The following CDK14 variants were observed in gnomAD, a reference collection of about 807,000 sequenced individuals.
CDK14 encodes cyclin dependent kinase 14, also known as cyclin-dependent kinase 14.
A neutral mutation model predicts 60.7 loss-of-function variants in CDK14; 34 were observed. The observed-to-expected ratio is 0.56, with a 90% confidence interval of 0.43 to 0.75. The LOEUF (loss-of-function observed/expected upper bound fraction) is 0.75, where lower values mean the gene tolerates loss of function less well. Ranked by LOEUF, CDK14 falls within the 30% of genes least tolerant of loss-of-function variation. CDK14 has a pLI of 0.00. For missense variants in CDK14, 482 were observed against 564.1 expected (o/e 0.85, Z 1.47); for synonymous variants, 197 against 203.7 (o/e 0.97, Z 0.28).
At chr7:91,077,146 G>T (rs1213030968) in intron 11 of CDK14, among the ~76,000 whole-genome samples, 1 of 152,112 alleles carries the variant, frequency 6.6e-6, no homozygotes, top group African/African-American at 2.4e-5. Flanking sequence ...CCATTACTGG[G>T]TATATACCCA....
chr7:91,161,060 G>A (rs113577688), intron 14 of CDK14, among the ~76,000 whole-genome samples: 132 of 152,324 alleles, frequency 8.7e-4, no homozygotes, highest in Admixed American at 2.5e-3. Context: ...TTGGAAAGGC[G>A]TATCAGCAGA....
intron 3 of CDK14, among the ~76,000 whole-genome samples, chr7:90,730,921 CTT>C (rs199640530): frequency 0.33 from 50,045 of 151,596 alleles, 8,555 homozygotes; most frequent in Middle Eastern, 0.4. Context: ...GTCATGAAGT[CTT>C]TGCCCATGCC....
chr7:91,075,192 A>T (rs1798264351), intron 11 of CDK14, among the ~76,000 whole-genome samples: 1 of 152,216 alleles, frequency 6.6e-6, no homozygotes, highest in Non-Finnish European at 1.5e-5. Context: ...CACACAAAAA[A>T]GCAAACTTCA....
chr7:91,209,341 G>A lies in CDK14; in HGVS notation c.*2205G>A, dbSNP rs1402044387. The A allele has an allele frequency of 1.3e-5, 2 of 152,156 alleles. No homozygotes were observed. Among genetic ancestry groups the A allele is most frequent in the Non-Finnish European group, 2.9e-5 (2 of 68,040 alleles). The allele number at this position is 152,156 out of a possible 1,614,324, so 9.4% of individuals were successfully genotyped here. ...AGAGACATGCCTCTCAGAAGGTCAG[G>A]AGGTTTTGAGTACCTATCCTTGCCA... On this transcript the variant is annotated 3_prime_UTR_variant, in exon 15 of 15. Transcript: ENST00000380050.
At chr7:90,791,141 A>G (rs998458955) in intron 5 of CDK14, among the ~76,000 whole-genome samples, 1 of 152,034 alleles carries the variant, frequency 6.6e-6, no homozygotes, top group African/African-American at 2.4e-5. Context: ...TATTAGGGTC[A>G]TTTATGTTGT....
chr7:90,895,867 T>C (rs1305520958), intron 6 of CDK14, among the ~76,000 whole-genome samples: 1 of 151,190 alleles, frequency 6.6e-6, no homozygotes, highest in East Asian at 2.0e-4. Context: ...TAAGCCACCA[T>C]GCCCACCCTT....
chr7:90,768,714 T>G (rs750331356), intron 4 of CDK14, among the ~76,000 whole-genome samples: 1 of 152,250 alleles, frequency 6.6e-6, no homozygotes, highest in African/African-American at 2.4e-5. Flanking sequence ...GCAATTGTGT[T>G]CTCTCACTTA....
At chr7:90,673,059 AAAT>A (rs1801129483) in intron 2 of CDK14, among the ~76,000 whole-genome samples, 1 of 152,102 alleles carries the variant, frequency 6.6e-6, no homozygotes, top group African/African-American at 2.4e-5. Flanking sequence ...AGTGGAGAAA[AAAT>A]GATTTCACTT....
chr7:90,830,195 C>T (rs551294712), intron 5 of CDK14, among the ~76,000 whole-genome samples: 1 of 152,356 alleles, frequency 6.6e-6, no homozygotes, highest in East Asian at 1.9e-4. Flanking sequence ...CAGCAGACTT[C>T]TGCCTGGACA....
chr7:90,764,581 A>G (rs954550086), intron 4 of CDK14, among the ~76,000 whole-genome samples: 6 of 152,180 alleles, frequency 3.9e-5, no homozygotes, highest in African/African-American at 1.4e-4. Context: ...ATTCAGTGCA[A>G]GATTGTATGG....
chr7:90,726,417 T>G (rs1802634689), intron 2 of CDK14, 150 bp from the exon 3 acceptor site: 1 of 1,222,478 alleles, frequency 8.2e-7, no homozygotes, highest in African/African-American at 1.5e-5. Flanking sequence ...TTTTGTACTG[T>G]AATTTATGCT....
intron 14 of CDK14, among the ~76,000 whole-genome samples, chr7:91,157,578 G>C (rs1049899415): frequency 1.8e-4 from 27 of 152,276 alleles, no homozygotes; most frequent in African/African-American, 6.0e-4. Flanking sequence ...GGAGTTAACT[G>C]TCCTGGTTTG....
chr7:91,132,706 C>G (rs1800154064), intron 14 of CDK14, among the ~76,000 whole-genome samples: 1 of 152,106 alleles, frequency 6.6e-6, no homozygotes, highest in Non-Finnish European at 1.5e-5. Context: ...TTTACCAACA[C>G]TTACTCTTCT....
intron 12 of CDK14, among the ~76,000 whole-genome samples, chr7:91,090,880 G>A (rs1477240498): frequency 1.3e-5 from 2 of 151,878 alleles, no homozygotes; most frequent in African/African-American, 2.4e-5. Flanking sequence ...TCTGTCACTC[G>A]TCACCTGTTT....
At chr7:90,606,389 A>G (rs1042162976) in intron 2 of CDK14, among the ~76,000 whole-genome samples, 1 of 152,238 alleles carries the variant, frequency 6.6e-6, no homozygotes, top group Non-Finnish European at 1.5e-5. Flanking sequence ...AAATAAGGTA[A>G]TGCATATGAA....
intron 14 of CDK14, among the ~76,000 whole-genome samples, chr7:91,203,468 G>A (rs569285665): frequency 5.3e-5 from 8 of 152,322 alleles, no homozygotes; most frequent in African/African-American, 1.9e-4. Context: ...TCCTTCACAG[G>A]AAGTGTCTTC....
intron 14 of CDK14, among the ~76,000 whole-genome samples, chr7:91,178,955 T>G (rs1410910394): frequency 1.3e-5 from 2 of 152,202 alleles, no homozygotes; most frequent in Non-Finnish European, 2.9e-5. Flanking sequence ...ATCCCATTAC[T>G]GGGTATATAC....
intron 3 of CDK14, among the ~76,000 whole-genome samples, chr7:90,733,428 A>AGTTTCCTACT: frequency 1.3e-5 from 2 of 150,520 alleles, no homozygotes; most frequent in Admixed American, 1.3e-4. Context: ...CTGATATTAA[A>AGTTTCCTACT]GTTTCCTACT....
intron 2 of CDK14, among the ~76,000 whole-genome samples, chr7:90,676,003 C>G (rs1423353790): frequency 6.6e-6 from 1 of 152,100 alleles, no homozygotes; most frequent in African/African-American, 2.4e-5. Flanking sequence ...AGTCGGGAGA[C>G]CATCCTAAGA....
Sources: allele counts gnomAD v4.1 joint callset (sites outside exome capture counted in the v4.1 genomes callset), GRCh38; gene constraint gnomAD v4.1.1; transcripts MANE v1.5; gene names NCBI Gene and HGNC (gene_info 2026-07-23, HGNC 2026-07-21).